Variants in SRCIN1 observed in about 807,000 individuals in gnomAD.
SRCIN1 encodes the protein P130Cas-associated protein.
Under a neutral mutation model 116.2 loss-of-function variants are expected in SRCIN1, and 50 were observed. The ratio of observed to expected loss-of-function variants is 0.43; its 90% CI spans 0.34 to 0.54. The LOEUF (loss-of-function observed/expected upper bound fraction) is 0.54, where lower values mean the gene tolerates loss of function less well. Among genes scored for constraint, SRCIN1 ranks in the 20% least tolerant of loss-of-function variants. The probability of loss-of-function intolerance (pLI) is 0.02; values close to 1 mark genes in which losing one functional copy is unlikely to be tolerated. For missense variants in SRCIN1, 1,446 were observed against 1,672.0 expected (o/e 0.86, Z 2.36); for synonymous variants, 736 against 750.0 (o/e 0.98, Z 0.30).
At chr17:38,538,430 A>T (rs981549820) in intron 18 of SRCIN1, among the ~76,000 whole-genome samples, 13 of 148,398 alleles carry the variant, frequency 8.8e-5, no homozygotes, top group Admixed American at 5.3e-4. Flanking sequence ...AAAAAAAAAA[A>T]AAATAATAAT....
At position 38,561,785 on chromosome 17, in the gene SRCIN1, G is replaced by A. The variant is rs1392608239; in HGVS notation, c.1378C>T (p.Pro460Ser). ...AAGCCGTAGCCGTCGCCGTACAGCG[G>A]GCCGCCGCCGCCCGCCGCCTTGTAC... ...SLYKAAGGGG[P>S]LYGDGYGFRL... The change falls in exon 7 of 19, where the codon CCG becomes TCG. Residue 460 changes from proline (P) to serine (S), a missense_variant. Physicochemically the swap from Pro to Ser is moderately conservative, Grantham distance 74 (BLOSUM62 -1). Coordinates refer to ENST00000617146, the MANE Select transcript of SRCIN1 (RefSeq NM_025248.3). 26 of 1,485,420 alleles carry A rather than the reference G, an allele frequency of 1.8e-5. No individual in the cohort carries two copies. Among genetic ancestry groups the A allele is most frequent in the Non-Finnish European group, 2.3e-5 (26 of 1,125,406 alleles). 92.0% of individuals were successfully genotyped at this position (1,485,420 alleles called of 1,614,324 possible).
At chr17:38,549,939 C>G (rs574067096) in intron 15 of SRCIN1, among the ~76,000 whole-genome samples, 1 of 152,234 alleles carries the variant, frequency 6.6e-6, no homozygotes, top group Non-Finnish European at 1.5e-5. Context: ...CCCGCTCTCA[C>G]TAGCTAGGGA....
intron 1 of SRCIN1, among the ~76,000 whole-genome samples, chr17:38,588,203 A>G (rs1334595440): frequency 6.6e-5 from 10 of 152,074 alleles, no homozygotes; most frequent in Non-Finnish European, 1.5e-4. Flanking sequence ...CCTTCCACCC[A>G]CTGTCAGAGT....
chr17:38,593,125 C>G (rs1908528111), intron 1 of SRCIN1, among the ~76,000 whole-genome samples: 1 of 152,180 alleles, frequency 6.6e-6, no homozygotes, highest in Non-Finnish European at 1.5e-5. Flanking sequence ...TTTGACAGTG[C>G]TCTGGGAGAT....
Position 38,558,308 on chromosome 17 carries a change from G to T in SRCIN1, c.2120C>A (p.Pro707Gln), listed in dbSNP as rs1215598877. The change falls in exon 11 of 19, where the codon CCG becomes CAG. Residue 707 changes from proline to glutamine, a missense_variant. Transcript: ENST00000617146. This position sits in a 1 kb window ranked among gnomAD's most constrained non-coding sequence, Gnocchi z 4.6. ...VSEAARRQED[P>Q]LQRQRTLVEE... ...CACCAGGGTGCGCTGCCGCTGCAGC[G>T]GGTCCTCCTGCCGCCGCGCCGCCTC... 1.2e-6 allele frequency: 2 copies of T among 1,611,324 alleles called. No homozygotes were observed. Among genetic ancestry groups the T allele is most frequent in the Non-Finnish European group, 1.7e-6 (2 of 1,179,614 alleles).
intron 11 of SRCIN1, among the ~76,000 whole-genome samples, chr17:38,558,000 C>A (rs1487240704): frequency 2.0e-5 from 3 of 152,120 alleles, no homozygotes; most frequent in Non-Finnish European, 2.9e-5. Context: ...AAGACCATAG[C>A]AAAAGCAGGC....
At position 38,568,056 on chromosome 17, in the gene SRCIN1, G is replaced by C. The variant is rs1906834598; in HGVS notation, c.345+155C>G. Among the ~76,000 whole-genome samples the C allele has an allele frequency of 6.6e-6, 1 of 152,200 alleles. No individual in the cohort carries two copies. The highest frequency in any genetic ancestry group is 2.4e-5 in the African/African-American group (1 of 41,444). ...GGCGAACCCAGACTCTCCCAAAGCA[G>C]CAGCCACAGCCTGCAGCCCCGAGGC... On this transcript the variant is annotated intron_variant, in intron 3 of 18. Coordinates refer to ENST00000617146, the MANE Select transcript of SRCIN1 (RefSeq NM_025248.3). The surrounding 1 kb of genome is among the most constrained non-coding windows in gnomAD (Gnocchi z 4.5).
chr17:38,543,059 C>T, intron 18 of SRCIN1: 1 of 456,638 alleles, frequency 2.2e-6, no homozygotes, highest in Non-Finnish European at 4.4e-6. Context: ...CAGCCTCTGA[C>T]CAGGCCACAA....
rs766467173 is a variant in SRCIN1, at chr17:38,552,076, T to G, written c.2537A>C (p.Lys846Thr). The change falls in exon 14 of 19, where the codon AAG becomes ACG. Residue 846 changes from lysine (K) to threonine (T), a missense_variant. Around this residue, in one of 5 missense-constraint regions of SRCIN1, gnomAD observed 531 missense variants for 633.9 expected, o/e 0.84. Coordinates refer to ENST00000617146, the MANE Select transcript of SRCIN1 (RefSeq NM_025248.3). This position sits in a 1 kb window ranked among gnomAD's most constrained non-coding sequence, Gnocchi z 5.3. ...GAAGTCAGTCTCTGCCGTCACCTTCTTGGGGGACTGACTCAGGAGATTGTT... is the reference window on the plus strand; with the variant it reads ...GAAGTCAGTCTCTGCCGTCACCTTCGTGGGGGACTGACTCAGGAGATTGTT... ...PPNNLLSQSPKKVTAETDFNK... is the reference protein window; with the variant it reads ...PPNNLLSQSPTKVTAETDFNK... 1.2e-6 allele frequency: 2 copies of G among 1,613,544 alleles called. No homozygotes were observed. The highest frequency in any genetic ancestry group is 3.3e-5 in the Admixed American group (2 of 60,020).
Position 38,572,445 on chromosome 17 carries a change from G to A in SRCIN1, c.325-4214C>T, listed in dbSNP as rs1021184821. Among the ~76,000 whole-genome samples, 4 of 152,116 alleles carry A rather than the reference G, an allele frequency of 2.6e-5. No individual in the cohort carries two copies. Among genetic ancestry groups the A allele is most frequent in the African/African-American group, 7.2e-5 (3 of 41,442 alleles). On this transcript the variant is annotated intron_variant, in intron 2 of 18. Coordinates refer to ENST00000617146, the MANE Select transcript of SRCIN1 (RefSeq NM_025248.3). The surrounding 1 kb of genome is among the most constrained non-coding windows in gnomAD (Gnocchi z 4.3). The stretch of plus-strand genomic sequence containing the variant: ...TGACTTTCCGACGCTGGGGGAGGGG[G>A]CGCCAGCCTGATTTTGGAGTGGGGG...
Position 38,552,219 on chromosome 17 carries a change from GAGGC to G in SRCIN1, c.2481-91_2481-88del. ...GGCTGCTCTGAGGGAGGTGGGGTGG[GAGGC>G]AGGCTCTGGGATGCTGTGGGAGGGC... On this transcript the variant is annotated intron_variant, in intron 13 of 18. Transcript: ENST00000617146. The surrounding 1 kb of genome is among the most constrained non-coding windows in gnomAD (Gnocchi z 5.3). The G allele has an allele frequency of 6.5e-7, 1 of 1,536,080 alleles. No individual in the cohort carries two copies. The highest frequency in any genetic ancestry group is 1.4e-5 in the African/African-American group (1 of 72,956).
intron 7 of SRCIN1, among the ~76,000 whole-genome samples, chr17:38,561,017 C>G (rs768044177): frequency 9.2e-5 from 14 of 152,214 alleles, no homozygotes; most frequent in Non-Finnish European, 1.5e-4. Context: ...GCTAGGTACC[C>G]GAATGTGCTC....
chr17:38,534,279 G>T (rs148300683), intron 18 of SRCIN1, among the ~76,000 whole-genome samples: 1 of 152,188 alleles, frequency 6.6e-6, no homozygotes, highest in African/African-American at 2.4e-5. Context: ...ACCTCCAGGG[G>T]CCACCCTCTG....
At chr17:38,576,329 G>A (rs970086036) in intron 2 of SRCIN1, among the ~76,000 whole-genome samples, 3 of 151,974 alleles carry the variant, frequency 2.0e-5, no homozygotes, top group African/African-American at 4.8e-5. Context: ...CCGGCCAGTC[G>A]CGATGTCTGT....
chr17:38,606,823 C>T (rs559675267), upstream of SRCIN1, among the ~76,000 whole-genome samples: 2 of 152,340 alleles, frequency 1.3e-5, no homozygotes, highest in East Asian at 1.9e-4. This position sits in a 1 kb window ranked among gnomAD's most constrained non-coding sequence, Gnocchi z 5.2. Flanking sequence ...AGGCCCGCGC[C>T]GACACCTCGT....
At chr17:38,601,863 A>C (rs1196589299) in intron 1 of SRCIN1, among the ~76,000 whole-genome samples, 1 of 152,040 alleles carries the variant, frequency 6.6e-6, no homozygotes, top group Non-Finnish European at 1.5e-5. Flanking sequence ...GAGGCAGACA[A>C]TGGGAGGGGT....
At chr17:38,576,562 CTT>C (rs1327765425) in intron 2 of SRCIN1, among the ~76,000 whole-genome samples, 1 of 152,122 alleles carries the variant, frequency 6.6e-6, no homozygotes, top group African/African-American at 2.4e-5. Context: ...GTGCTCAACT[CTT>C]CTCCTGAAGC....
At chr17:38,591,108 A>G (rs917933487) in intron 1 of SRCIN1, among the ~76,000 whole-genome samples, 2 of 152,182 alleles carry the variant, frequency 1.3e-5, no homozygotes, top group African/African-American at 2.4e-5. Context: ...TCTTGTACCT[A>G]TGCTGGATAC....
chr17:38,588,988 C>A (rs905825902), intron 1 of SRCIN1, among the ~76,000 whole-genome samples: 6 of 152,190 alleles, frequency 3.9e-5, no homozygotes, highest in African/African-American at 1.4e-4. Flanking sequence ...CAGGATTCCT[C>A]CGGGTTCCCA....
Sources: allele counts gnomAD v4.1 joint callset (sites outside exome capture counted in the v4.1 genomes callset), GRCh38; gene constraint gnomAD v4.1.1; regional missense constraint gnomAD v4.1.1; non-coding constraint Gnocchi (gnomAD v3.1); transcripts MANE v1.5; gene names NCBI Gene and HGNC (gene_info 2026-07-23, HGNC 2026-07-21).